NUP98: variants seen among roughly 807,000 people sequenced by gnomAD.
NUP98 encodes nucleoporin 98 and 96 precursor.
In NUP98, 26 loss-of-function variants were observed where a neutral mutation model predicts 191.9. The ratio of observed to expected loss-of-function variants is 0.14; its 90% CI spans 0.10 to 0.19. The LOEUF is 0.19. NUP98 is among the 10% of genes least tolerant of loss of function. The pLI is 1.00. For synonymous variants in NUP98, 808 were observed against 778.4 expected (o/e 1.04, Z -0.63); for missense variants, 1,941 against 2,178.8 (o/e 0.89, Z 2.17).
chr11:3,706,412 TTC>T (rs774665269), intron 21 of NUP98, 31 bp downstream of exon 21: 29 of 1,605,656 alleles, frequency 1.8e-5, no homozygotes, highest in Non-Finnish European at 2.3e-5. Flanking sequence ...TAGTTTGGCT[TTC>T]TGTTACAAAA....
At chr11:3,776,820 T>C (rs1443735643) in intron 4 of NUP98, among the ~76,000 whole-genome samples, 4 of 152,056 alleles carry the variant, frequency 2.6e-5, no homozygotes, top group African/African-American at 9.7e-5. Context: ...GAAAGATACG[T>C]ACTTCCAGGC....
At chr11:3,766,184 G>T (rs1589917660) in intron 8 of NUP98, among the ~76,000 whole-genome samples, 1 of 152,226 alleles carries the variant, frequency 6.6e-6, no homozygotes, top group African/African-American at 2.4e-5. Context: ...AGACCAGCCT[G>T]GATAACTCGA....
At chr11:3,692,335 CAAAA>C (rs1231362876) in intron 27 of NUP98, among the ~76,000 whole-genome samples, 1 of 139,888 alleles carries the variant, frequency 7.1e-6, no homozygotes, top group Non-Finnish European at 1.6e-5. Flanking sequence ...AAAAAAAAAA[CAAAA>C]AAAAACACCT....
intron 2 of NUP98, among the ~76,000 whole-genome samples, 156 bp from the exon 3 acceptor site, chr11:3,779,413 G>A (rs929673895): frequency 1.8e-4 from 28 of 152,054 alleles, no homozygotes; most frequent in Admixed American, 3.9e-4. Context: ...AGGCCGAGGC[G>A]GGCGGATCAC....
chr11:3,717,960 G>A (rs985296583), intron 18 of NUP98, among the ~76,000 whole-genome samples: 11 of 152,022 alleles, frequency 7.2e-5, no homozygotes, highest in African/African-American at 2.2e-4. Flanking sequence ...CTTTCAATAC[G>A]CTGTTAAATT....
chr11:3,700,268 C>CAAAA (rs35824298), intron 24 of NUP98, among the ~76,000 whole-genome samples: 4 of 93,398 alleles, frequency 4.3e-5, no homozygotes, highest in African/African-American at 8.0e-5. Flanking sequence ...GACTCCGTCT[C>CAAAA]AAAAAAAAAA....
At chr11:3,746,768 T>A (rs1259291639) in intron 11 of NUP98, among the ~76,000 whole-genome samples, 1 of 151,622 alleles carries the variant, frequency 6.6e-6, no homozygotes, top group African/African-American at 2.4e-5. Flanking sequence ...CAAAATTAGC[T>A]GGTCGTGGTG....
At chr11:3,788,280 T>C (rs2082211099) in intron 1 of NUP98, among the ~76,000 whole-genome samples, 3 of 152,186 alleles carry the variant, frequency 2.0e-5, no homozygotes. Flanking sequence ...GAAGAGTATA[T>C]TAGCTTTGGT....
Position 3,744,594 on chromosome 11 carries a change from C to T in NUP98, c.1323G>A (p.Gly441=), listed in dbSNP as rs1376699312. 1 of 1,613,424 alleles carries T rather than the reference C, an allele frequency of 6.2e-7. No homozygotes were observed. Among genetic ancestry groups the T allele is most frequent in the Admixed American group, 1.7e-5 (1 of 59,982 alleles). Residue 441 remains glycine, a synonymous_variant, in exon 12 of 33, where the codon GGG becomes GGA. Transcript: ENST00000324932. ...LFGNNQPKIG[G]PLGTGAFGAP... ...CCCCAAAGGCTCCTGTACCAAGAGG[C>T]CCTCCAATCTTAGGTTGGTTGTTCC...
chr11:3,702,309 ACACACTCTCTCTCTCT>A lies in NUP98; in HGVS notation c.3512+138_3512+153del, dbSNP rs1419731080. Among the ~76,000 whole-genome samples the A allele has an allele frequency of 4.0e-3, 215 of 53,680 alleles. 1 individual carries two copies. The highest frequency in any genetic ancestry group is 7.6e-3 in the African/African-American group (118 of 15,496). 35.2% of individuals were successfully genotyped at this position (53,680 alleles called of 152,430 possible). ...CACACACACACACACACACACACAC[ACACACTCTCTCTCTCT>A]CTCTCTCTCTCTCTCTCTCTCTCTC... On this transcript the variant is annotated intron_variant, in intron 23 of 32. Coordinates refer to ENST00000324932, the MANE Select transcript of NUP98 (RefSeq NM_016320.5).
chr11:3,783,375 G>A (rs905006066), intron 1 of NUP98, among the ~76,000 whole-genome samples: 69 of 152,264 alleles, frequency 4.5e-4, no homozygotes, highest in African/African-American at 1.6e-3. Flanking sequence ...GTGATAGGGT[G>A]AGACAATGTC....
At chr11:3,737,670 AAATT>A (rs1263203544) in intron 12 of NUP98, among the ~76,000 whole-genome samples, 1 of 152,132 alleles carries the variant, frequency 6.6e-6, no homozygotes, top group Non-Finnish European at 1.5e-5. Context: ...TGCTATAGCT[AAATT>A]AATGAAAAAG....
At chr11:3,768,942 T>C (rs1019622338) in intron 7 of NUP98, among the ~76,000 whole-genome samples, 198 bp from the exon 8 acceptor site, 4 of 152,166 alleles carry the variant, frequency 2.6e-5, no homozygotes, top group African/African-American at 7.2e-5. Context: ...TGTAATAACA[T>C]CCTTACCCCA....
At chr11:3,686,445 C>T (rs934257729) in intron 28 of NUP98, among the ~76,000 whole-genome samples, 3 of 152,168 alleles carry the variant, frequency 2.0e-5, no homozygotes, top group African/African-American at 7.2e-5. Flanking sequence ...AATGGTTTGG[C>T]GTATGTATTT....
At chr11:3,763,081 G>C (rs778468874) in intron 8 of NUP98, 42 bp from the exon 9 acceptor site, 14 of 1,573,040 alleles carry the variant, frequency 8.9e-6, no homozygotes, top group South Asian at 8.2e-5. Context: ...TCCTGTAATA[G>C]TTTCCGTAAC....
chr11:3,787,925 G>C (rs1286097415), intron 1 of NUP98, among the ~76,000 whole-genome samples: 3 of 152,182 alleles, frequency 2.0e-5, no homozygotes, highest in African/African-American at 7.2e-5. Flanking sequence ...CCAGGAGGCG[G>C]AGGTTGCAGT....
At chr11:3,776,873 C>T (rs2081750952) in intron 4 of NUP98, among the ~76,000 whole-genome samples, 1 of 152,126 alleles carries the variant, frequency 6.6e-6, no homozygotes, top group Non-Finnish European at 1.5e-5. Context: ...CTTTGGTCAG[C>T]TAAGTGTCCA....
At chr11:3,692,356 G>A (rs899766256) in intron 27 of NUP98, among the ~76,000 whole-genome samples, 4 of 151,552 alleles carry the variant, frequency 2.6e-5, no homozygotes, top group East Asian at 1.9e-4. Context: ...ACCTGGGCAC[G>A]GTGGCTCATG....
In NUP98 at chr11:3,723,369, G is replaced by A. The variant is rs1437217884; in HGVS notation, c.1934C>T (p.Pro645Leu). The A allele has an allele frequency of 1.2e-6, 2 of 1,613,894 alleles. No homozygotes were observed. Among genetic ancestry groups the A allele is most frequent in the African/African-American group, 2.7e-5 (2 of 74,908 alleles). The change falls in exon 16 of 33, where the codon CCT (proline) becomes CTT (leucine). Residue 645 changes from proline to leucine, a missense_variant. Coordinates refer to ENST00000324932, the MANE Select transcript of NUP98 (RefSeq NM_016320.5). ...DSLVSHFYTN[P>L]IAKPIPQTPE... ...GGTTTGAGGAATAGGTTTGGCAATA[G>A]GGTTAGTATAAAAATGTGAAACAAG...
Sources: gnomAD v4.1 joint callset for allele counts (sites outside exome capture counted in the v4.1 genomes callset) on GRCh38, gnomAD v4.1.1 for gene constraint, MANE v1.5 for transcripts, NCBI Gene and HGNC (gene_info 2026-07-23, HGNC 2026-07-21) for gene names.